The following BUB3 variants were observed in gnomAD, a reference collection of about 807,000 sequenced individuals.
BUB3 encodes the protein mitotic checkpoint protein BUB3.
Under a neutral mutation model 39.9 loss-of-function variants are expected in BUB3, and 22 were observed. That is an observed-to-expected ratio of 0.55 (90% CI 0.39 to 0.79). The LOEUF (loss-of-function observed/expected upper bound fraction) is 0.79. Ranked by LOEUF, BUB3 falls within the 30% of genes least tolerant of loss-of-function variation. BUB3 has a pLI of 0.00. For missense variants in BUB3, 303 were observed against 415.4 expected, an observed-to-expected ratio of 0.73 and a Z score of 2.35; for synonymous variants, 168 against 155.1, an observed-to-expected ratio of 1.08 and a Z score of -0.62.
Position 123,166,040 on chromosome 10 carries a change from C to T in BUB3, c.*2205C>T, listed in dbSNP as rs1415374582. ...TTATTTTGTGGTTCCATCTGGATGT[C>T]CTCTTGTCTCTGGAAATCAAGTGTG... On this transcript the variant is annotated 3_prime_UTR_variant, in exon 8 of 8. Coordinates refer to ENST00000368865, the MANE Select transcript of BUB3 (RefSeq NM_004725.4). The T allele has an allele frequency of 6.6e-6, 1 of 152,146 alleles. No individual in the cohort carries two copies. The highest frequency in any genetic ancestry group is 1.5e-5 in the Non-Finnish European group (1 of 68,024). 9.4% of individuals were successfully genotyped at this position (152,146 alleles called of 1,614,324 possible). A position where few individuals can be genotyped will look rare whatever the true frequency, so the allele number is the denominator to read the frequency against.
rs1490505348 is a variant in BUB3 at position 123,163,880 on chromosome 10, A to G, written c.*45A>G. The G allele has an allele frequency of 6.3e-7, 1 of 1,575,758 alleles. No homozygotes were observed. Among genetic ancestry groups the G allele is most frequent in the Non-Finnish European group, 8.7e-7 (1 of 1,150,846 alleles). On this transcript the variant is annotated 3_prime_UTR_variant, in exon 8 of 8. Transcript: ENST00000368865. Reference sequence around the variant, plus strand: ...GTGCCATGTTGATGATAATAAAACAATTCGTACTCCCCAATGGTGGATTTA... The same window carrying G: ...GTGCCATGTTGATGATAATAAAACAGTTCGTACTCCCCAATGGTGGATTTA...
At chr10:123,161,315 A>G (rs1589690647) in intron 5 of BUB3, among the ~76,000 whole-genome samples, 2 of 152,314 alleles carry the variant, frequency 1.3e-5, no homozygotes, top group Non-Finnish European at 2.9e-5. Flanking sequence ...CAGGTATGTT[A>G]TTCTCTTTGC....
chr10:123,163,860 A>G lies in BUB3; in HGVS notation c.*25A>G, dbSNP rs1408980860. 15 of 1,599,260 alleles carry G rather than the reference A, an allele frequency of 9.4e-6. No individual in the cohort carries two copies. Among genetic ancestry groups the G allele is most frequent in the Non-Finnish European group, 1.2e-5 (14 of 1,168,474 alleles). ...ACAAGATTTCATTTACTTAAGTGCC[A>G]TGTTGATGATAATAAAACAATTCGT... is the stretch of plus-strand genomic sequence containing the variant. On this transcript the variant is annotated 3_prime_UTR_variant, in exon 8 of 8. Coordinates refer to ENST00000368865, the MANE Select transcript of BUB3 (RefSeq NM_004725.4).
At position 123,164,925 on chromosome 10, in the gene BUB3, T is replaced by C; in HGVS notation, c.*1090T>C. On this transcript the variant is annotated 3_prime_UTR_variant, in exon 8 of 8. Transcript: ENST00000368865. The stretch of plus-strand genomic sequence containing the variant: ...TGGACCTTTCCTGAGATTTATTTTA[T>C]CCGTGATGTATTTTTTTTAATTCTT... 1.4e-6 allele frequency: 2 copies of C among 1,467,634 alleles called. No individual in the cohort carries two copies. Among genetic ancestry groups the C allele is most frequent in the South Asian group, 2.9e-5 (2 of 69,306 alleles). 90.9% of individuals were successfully genotyped at this position (1,467,634 alleles called of 1,614,324 possible).
chr10:123,160,323 T>C (rs1406763458), intron 4 of BUB3, 84 bp from the exon 5 acceptor site: 8 of 1,288,942 alleles, frequency 6.2e-6, no homozygotes, highest in Non-Finnish European at 8.4e-6. Context: ...TATGGTCTTA[T>C]GATCAGATGG....
In BUB3 at chr10:123,163,467, A is replaced by G. The variant is rs116643282; in HGVS notation, c.972-353A>G. Among the ~76,000 whole-genome samples, 474 of 152,356 alleles carry G rather than the reference A, an allele frequency of 3.1e-3. 1 individual carries two copies. Among genetic ancestry groups the G allele is most frequent in the African/African-American group, 0.011 (457 of 41,588 alleles). On this transcript the variant is annotated intron_variant, in intron 7 of 7. Transcript: ENST00000368865. The stretch of plus-strand genomic sequence containing the variant: ...CTGATACTTCAGCATGTGTTAAACT[A>G]TAAAATACCTACTCCAAGTATCTGC...
rs555251333 is a variant in BUB3, at chr10:123,165,778, T to C, written c.*1943T>C. ...AGCCAAATAACAGACCCTTCTGTAC[T>C]TAGCCATCAAATACTAAATCACAGT... is the stretch of plus-strand genomic sequence containing the variant. On this transcript the variant is annotated 3_prime_UTR_variant, in exon 8 of 8. Transcript: ENST00000368865. The C allele has an allele frequency of 6.6e-6, 1 of 152,328 alleles. No individual in the cohort carries two copies. The highest frequency in any genetic ancestry group is 1.9e-4 in the East Asian group (1 of 5,176). 9.4% of individuals were successfully genotyped at this position (152,328 alleles called of 1,614,324 possible). A position where few individuals can be genotyped will look rare whatever the true frequency, so the allele number is the denominator to read the frequency against.
intron 7 of BUB3, 31 bp from the exon 8 acceptor site, chr10:123,163,789 A>G: frequency 1.9e-6 from 3 of 1,583,738 alleles, no homozygotes; most frequent in Non-Finnish European, 2.6e-6. Context: ...TTTTGATCTC[A>G]TGCTGTTCTT....
chr10:123,164,544 A>G lies in BUB3; in HGVS notation c.*709A>G, dbSNP rs1844463820. The G allele has an allele frequency of 1.0e-6, 1 of 986,246 alleles. No homozygotes were observed. Among genetic ancestry groups the G allele is most frequent in the Admixed American group, 6.1e-5 (1 of 16,350 alleles). The allele number at this position is 986,246 out of a possible 1,614,324, so 61.1% of individuals were successfully genotyped here. A position where few individuals can be genotyped will look rare whatever the true frequency, so the allele number is the denominator to read the frequency against. ...TGTTTGAGTCAGTAATGAGCTGAGA[A>G]AAGACAGAGCATATCTGTGTATTTG... On this transcript the variant is annotated 3_prime_UTR_variant, in exon 8 of 8. Coordinates refer to ENST00000368865, the MANE Select transcript of BUB3 (RefSeq NM_004725.4).
intron 2 of BUB3, 44 bp downstream of exon 2, chr10:123,155,156 C>G (rs1387736588): frequency 6.3e-7 from 1 of 1,583,056 alleles, no homozygotes. Flanking sequence ...ACTGTGTTAA[C>G]GATTCTCCAC....
Position 123,160,549 on chromosome 10 carries a change from C to T in BUB3, c.560C>T (p.Ala187Val), listed in dbSNP as rs1471446915. 2.5e-6 allele frequency: 4 copies of T among 1,598,828 alleles called. No individual in the cohort carries two copies. Among genetic ancestry groups the T allele is most frequent in the Non-Finnish European group, 3.4e-6 (4 of 1,175,108 alleles). The change falls in exon 5 of 8, where the codon GCG becomes GTG. Residue 187 changes from alanine (A) to valine (V), a missense_variant. Physicochemically the swap from Ala to Val is moderately conservative, Grantham distance 64. Transcript: ENST00000368865. Reference protein sequence around the residue: ...SLKYQTRCIRAFPNKQGYVLS... With the variant: ...SLKYQTRCIRVFPNKQGYVLS... ...AAATACCAGACTCGCTGCATACGAG[C>T]GTTTCCAAACAAGCAGGTATTGAAC...
intron 3 of BUB3, 142 bp from the exon 4 acceptor site, chr10:123,157,587 G>A (rs528871617): frequency 2.2e-6 from 2 of 909,794 alleles, no homozygotes; most frequent in South Asian, 4.0e-5. Context: ...TTTTCTGTCT[G>A]TAGTAGACAT....
rs1589692264 is a variant in BUB3, at chr10:123,164,915, ATTTAT to A, written c.*1086_*1090del. On this transcript the variant is annotated 3_prime_UTR_variant, in exon 8 of 8. Transcript: ENST00000368865. ...GAGTAGGACTTGGACCTTTCCTGAG[ATTTAT>A]TTTATCCGTGATGTATTTTTTTTAA... is the stretch of plus-strand genomic sequence containing the variant. The A allele has an allele frequency of 1.4e-5, 20 of 1,448,166 alleles. No homozygotes were observed. The highest frequency in any genetic ancestry group is 2.8e-5 in the Admixed American group (1 of 35,390). 89.7% of individuals were successfully genotyped at this position (1,448,166 alleles called of 1,614,324 possible). A position where few individuals can be genotyped will look rare whatever the true frequency, so the allele number is the denominator to read the frequency against.
rs1844464409 is a variant in BUB3 at position 123,164,580 on chromosome 10, TGTAAC to T, written c.*750_*754del. 9 of 987,332 alleles carry T rather than the reference TGTAAC, an allele frequency of 9.1e-6. No individual in the cohort carries two copies. The highest frequency in any genetic ancestry group is 1.1e-5 in the Non-Finnish European group (9 of 831,270). 61.2% of individuals were successfully genotyped at this position (987,332 alleles called of 1,614,324 possible). Reference sequence around the variant, plus strand: ...ATATCTGTGTATTTGGAAAAATAATTGTAACGTAATTGCAGTGCATTTAGACAGGC... The same window carrying T: ...ATATCTGTGTATTTGGAAAAATAATTGTAATTGCAGTGCATTTAGACAGGC... On this transcript the variant is annotated 3_prime_UTR_variant, in exon 8 of 8. Transcript: ENST00000368865.
At chr10:123,161,316 T>C (rs909994867) in intron 5 of BUB3, among the ~76,000 whole-genome samples, 4 of 152,256 alleles carry the variant, frequency 2.6e-5, no homozygotes, top group African/African-American at 9.6e-5. Context: ...AGGTATGTTA[T>C]TCTCTTTGCT....
In BUB3 at chr10:123,160,537, G is replaced by T. The variant is rs753417733; in HGVS notation, c.548G>T (p.Arg183Leu). ...GAGTCCAGCCTGAAATACCAGACTCGCTGCATACGAGCGTTTCCAAACAAG... is the reference window on the plus strand; with the variant it reads ...GAGTCCAGCCTGAAATACCAGACTCTCTGCATACGAGCGTTTCCAAACAAG... ...RRESSLKYQT[R>L]CIRAFPNKQG... Residue 183 changes from arginine (R) to leucine (L), a missense_variant, in exon 5 of 8, where the codon CGC becomes CTC. Around this residue, in one of 2 missense-constraint regions of BUB3, gnomAD observed 182 missense variants for 293.1 expected, o/e 0.62. Coordinates refer to ENST00000368865, the MANE Select transcript of BUB3 (RefSeq NM_004725.4). 6.2e-7 allele frequency: 1 copy of T among 1,607,736 alleles called. No individual in the cohort carries two copies. Among genetic ancestry groups the T allele is most frequent in the Non-Finnish European group, 8.5e-7 (1 of 1,178,176 alleles).
chr10:123,155,728 G>A lies in BUB3; in HGVS notation c.265+1G>A. ...ATGCATGATTTGAACACTGATCAAG[G>A]TAATGTGACCATATCTTTACCAGTT... On this transcript the variant is annotated splice_donor_variant, in intron 3 of 7. Coordinates refer to ENST00000368865, the MANE Select transcript of BUB3 (RefSeq NM_004725.4). LOFTEE classifies it high-confidence loss of function. 1 of 1,613,446 alleles carries A rather than the reference G, an allele frequency of 6.2e-7. No homozygotes were observed. Among genetic ancestry groups the A allele is most frequent in the Non-Finnish European group, 8.5e-7 (1 of 1,179,374 alleles).
chr10:123,166,289 A>T lies in BUB3; in HGVS notation c.*2454A>T, dbSNP rs1300677551. On this transcript the variant is annotated 3_prime_UTR_variant, in exon 8 of 8. Transcript: ENST00000368865. The stretch of plus-strand genomic sequence containing the variant: ...GTGGCAGCCTCCAATTTCTGCCTTA[A>T]GTCCTCCATCTAATAGAGTAGTGAC... The T allele has an allele frequency of 1.3e-5, 2 of 152,184 alleles. No individual in the cohort carries two copies. Among genetic ancestry groups the T allele is most frequent in the African/African-American group, 4.8e-5 (2 of 41,432 alleles). 9.4% of individuals were successfully genotyped at this position (152,184 alleles called of 1,614,324 possible).
Position 123,164,394 on chromosome 10 carries a change from G to A in BUB3, c.*559G>A, listed in dbSNP as rs369149974. ...AAAGCGAGGTTAAGGTTAGACTCTT[G>A]GGAATCAGCTAGTTTTCAATCTTAT... On this transcript the variant is annotated 3_prime_UTR_variant, in exon 8 of 8. Transcript: ENST00000368865. 2.0e-5 allele frequency: 20 copies of A among 985,416 alleles called. No individual in the cohort carries two copies. The South Asian group carries it at 2.3e-4, about 12-fold the overall frequency. 61.0% of individuals were successfully genotyped at this position (985,416 alleles called of 1,614,324 possible). A position where few individuals can be genotyped will look rare whatever the true frequency, so the allele number is the denominator to read the frequency against.
Sources: allele counts gnomAD v4.1 joint callset (sites outside exome capture counted in the v4.1 genomes callset), GRCh38; gene constraint gnomAD v4.1.1; regional missense constraint gnomAD v4.1.1; transcripts MANE v1.5; gene names NCBI Gene and HGNC (gene_info 2026-07-23, HGNC 2026-07-21).